The following CELF2 variants were observed in gnomAD, a reference collection of about 807,000 sequenced individuals.
CELF2 encodes CUG triplet repeat RNA-binding protein 2.
A neutral mutation model predicts 62.6 loss-of-function variants in CELF2; 8 were observed. That is an observed-to-expected ratio of 0.13 (90% CI 0.07 to 0.23). The LOEUF is 0.23. CELF2 is among the 10% of genes least tolerant of loss of function. The probability of loss-of-function intolerance (pLI) is 1.00; values close to 1 mark genes in which losing one functional copy is unlikely to be tolerated. For synonymous variants in CELF2, 258 were observed against 250.0 expected, an observed-to-expected ratio of 1.03 and a Z score of -0.30; for missense variants, 333 against 671.0, an observed-to-expected ratio of 0.50 and a Z score of 5.56.
At chr10:11,053,502 T>C (rs986690033) in intron 1 of CELF2, among the ~76,000 whole-genome samples, 3 of 152,108 alleles carry the variant, frequency 2.0e-5, no homozygotes, top group African/African-American at 7.2e-5. Flanking sequence ...CTTCCATTTT[T>C]AGGCTAAAAG....
chr10:10,863,985 C>T (rs1409904500), intron 1 of CELF2, among the ~76,000 whole-genome samples: 5 of 152,178 alleles, frequency 3.3e-5, no homozygotes, highest in Non-Finnish European at 7.4e-5. Flanking sequence ...CAAACGTCTT[C>T]TAGTTTGGAG....
At chr10:10,764,898 C>A in the CELF2 span, among the ~76,000 whole-genome samples, 1 of 152,200 alleles carries the variant, frequency 6.6e-6, no homozygotes, top group African/African-American at 2.4e-5. Context: ...TACATGAATT[C>A]TGCCTTGGCC....
At chr10:11,148,951 A>G (rs1012978292) in intron 1 of CELF2, among the ~76,000 whole-genome samples, 4 of 152,186 alleles carry the variant, frequency 2.6e-5, no homozygotes, top group Admixed American at 2.0e-4. Context: ...TCACTCTGGT[A>G]TCACTAGGGA....
chr10:11,278,070 A>G (rs2086802426), intron 8 of CELF2, among the ~76,000 whole-genome samples: 2 of 152,262 alleles, frequency 1.3e-5, no homozygotes, highest in South Asian at 4.1e-4. Context: ...TGCCACATTT[A>G]TATGGGTGAA....
intron 3 of CELF2, among the ~76,000 whole-genome samples, chr10:11,234,603 A>C (rs1236167426): frequency 6.7e-6 from 1 of 149,024 alleles, no homozygotes; most frequent in Non-Finnish European, 1.5e-5. Context: ...AATGGCGTGA[A>C]CCCGGGGGGC....
At chr10:11,093,167 C>T (rs549800915) in intron 1 of CELF2, among the ~76,000 whole-genome samples, 6 of 152,270 alleles carry the variant, frequency 3.9e-5, no homozygotes, top group African/African-American at 1.4e-4. Flanking sequence ...AAGTTGAGTT[C>T]TACAGAAGAA....
chr10:10,593,380 C>T, the CELF2 span, among the ~76,000 whole-genome samples: 7 of 152,340 alleles, frequency 4.6e-5, no homozygotes, highest in East Asian at 3.9e-4. Context: ...CATGGTCTCT[C>T]ATCCTCCAGA....
At chr10:10,688,773 G>A in the CELF2 span, among the ~76,000 whole-genome samples, 1 of 152,042 alleles carries the variant, frequency 6.6e-6, no homozygotes, top group African/African-American at 2.4e-5. Flanking sequence ...TTAGAGACAA[G>A]AGTGTCACTT....
At chr10:10,759,296 C>CTTTTTTTTTTTTTT in the CELF2 span, among the ~76,000 whole-genome samples, 1 of 120,904 alleles carries the variant, frequency 8.3e-6, no homozygotes, top group Non-Finnish European at 1.7e-5. Context: ...GCCCATTTTT[C>CTTTTTTTTTTTTTT]TTTTTTTTTT....
At chr10:10,907,758 GA>G (rs1286621687) in intron 1 of CELF2, among the ~76,000 whole-genome samples, 1 of 152,068 alleles carries the variant, frequency 6.6e-6, no homozygotes, top group African/African-American at 2.4e-5. Flanking sequence ...CGTTGCTACA[GA>G]AAAAAGACGT....
At chr10:11,132,006 A>G (rs1344822936) in intron 1 of CELF2, among the ~76,000 whole-genome samples, 1 of 152,266 alleles carries the variant, frequency 6.6e-6, no homozygotes, top group African/African-American at 2.4e-5. Context: ...GTAATTTTAT[A>G]AAAGTGGAAG....
intron 1 of CELF2, among the ~76,000 whole-genome samples, chr10:10,820,175 G>A (rs193041889): frequency 6.6e-4 from 101 of 152,202 alleles, no homozygotes; most frequent in South Asian, 1.2e-3. Flanking sequence ...CTGAAGCCTC[G>A]CCAGCCATGT....
Position 10,912,101 on chromosome 10 carries a change from A to G in CELF2, c.54-7863A>G, listed in dbSNP as rs183829315. 8.7e-4 allele frequency among the ~76,000 whole-genome samples: 132 copies of G among 152,342 alleles called. 1 individual carries two copies. The highest frequency in any genetic ancestry group is 2.9e-3 in the African/African-American group (122 of 41,568). On this transcript the variant is annotated intron_variant, in intron 1 of 13. Coordinates refer to the CELF2 transcript ENST00000636488. The stretch of plus-strand genomic sequence containing the variant: ...ACCCCGTAAATCTTGAGGAGAAGAA[A>G]GAAATGCAGTAGTGCAAAGGAAAGA...
At chr10:10,558,471 A>C in the CELF2 span, among the ~76,000 whole-genome samples, 1 of 152,070 alleles carries the variant, frequency 6.6e-6, no homozygotes, top group Admixed American at 6.5e-5. Flanking sequence ...ATCAATGTTC[A>C]TCAAGGATAT....
intron 1 of CELF2, among the ~76,000 whole-genome samples, chr10:10,859,097 C>T (rs1336833255): frequency 6.6e-6 from 1 of 151,984 alleles, no homozygotes; most frequent in East Asian, 1.9e-4. Flanking sequence ...TTCAAGTATT[C>T]GTATTAATGA....
intron 1 of CELF2, among the ~76,000 whole-genome samples, chr10:10,913,430 G>C (rs2063994754): frequency 1.6e-5 from 1 of 61,698 alleles, no homozygotes; most frequent in East Asian, 6.3e-4. Flanking sequence ...CACTATTTTT[G>C]CCCAGGCTGG....
intron 8 of CELF2, among the ~76,000 whole-genome samples, chr10:11,284,519 T>G (rs868750259): frequency 1.0e-4 from 14 of 134,966 alleles, no homozygotes; most frequent in South Asian, 2.4e-4. Flanking sequence ...GGGATGAGTG[T>G]GTGGTGGGTG....
chr10:10,941,911 T>A (rs1477049584), intron 2 of CELF2, among the ~76,000 whole-genome samples: 1 of 151,196 alleles, frequency 6.6e-6, no homozygotes, highest in Non-Finnish European at 1.5e-5. Context: ...GAAGAATTGA[T>A]TGAACCTAGG....
At chr10:11,022,604 C>A (rs1404362808) in intron 1 of CELF2, among the ~76,000 whole-genome samples, 1 of 152,026 alleles carries the variant, frequency 6.6e-6, no homozygotes, top group East Asian at 1.9e-4. Flanking sequence ...CTGCAATATC[C>A]TTAGCTTTTT....
Sources: gnomAD v4.1 joint callset for allele counts (sites outside exome capture counted in the v4.1 genomes callset) on GRCh38, gnomAD v4.1.1 for gene constraint, MANE v1.5 for transcripts, NCBI Gene and HGNC (gene_info 2026-07-23, HGNC 2026-07-21) for gene names.